Variants in ZAP70 observed in about 807,000 individuals in gnomAD.
The protein encoded by ZAP70 is zeta chain of T cell receptor associated protein kinase 70.
A neutral mutation model predicts 65.8 loss-of-function variants in ZAP70; 27 were observed. The observed-to-expected ratio is 0.41, with a 90% CI of 0.30 to 0.57. The LOEUF (loss-of-function observed/expected upper bound fraction) is 0.57. ZAP70 is among the 20% of genes least tolerant of loss of function. ZAP70 has a pLI of 0.28. For missense variants in ZAP70, 696 were observed against 870.5 expected (o/e 0.80, Z 2.52); for synonymous variants, 363 against 360.8 (o/e 1.01, Z -0.07).
the ZAP70 span, among the ~76,000 whole-genome samples, chr2:97,749,171 G>A: frequency 3.3e-5 from 5 of 152,042 alleles, no homozygotes; most frequent in East Asian, 7.7e-4. Flanking sequence ...CACCAAGCCC[G>A]GCTAATTTTT....
chr2:97,723,868 C>T, intron 2 of ZAP70, 148 bp from the exon 3 acceptor site: 4 of 869,812 alleles, frequency 4.6e-6, no homozygotes, highest in Non-Finnish European at 6.9e-6. Context: ...TCCAGGTTGA[C>T]TCTGGCACAG....
chr2:97,739,085 A>G (rs1678031216), intron 13 of ZAP70, among the ~76,000 whole-genome samples: 2 of 152,084 alleles, frequency 1.3e-5, no homozygotes, highest in African/African-American at 2.4e-5. Flanking sequence ...TGCCACTCTG[A>G]CACCAAGTCC....
At position 97,733,584 on chromosome 2, in the gene ZAP70, C is replaced by T; in HGVS notation, c.878C>T (p.Thr293Ile). Residue 293 changes from threonine (T) to isoleucine (I), a missense_variant, in exon 8 of 14, where the codon ACC becomes ATC. Physicochemically the swap from Thr to Ile is moderately conservative, Grantham distance 89. Transcript: ENST00000264972. ...RIDTLNSDGYTPEPARITSPD... is the reference protein window; with the variant it reads ...RIDTLNSDGYIPEPARITSPD... ...GACACCCTCAACTCAGATGGATACA[C>T]CCCTGAGCCAGGTGAGCGGGCAGAG... 1.2e-6 allele frequency: 2 copies of T among 1,613,654 alleles called. No homozygotes were observed. Among genetic ancestry groups the T allele is most frequent in the Non-Finnish European group, 1.7e-6 (2 of 1,179,998 alleles).
the ZAP70 span, among the ~76,000 whole-genome samples, chr2:97,755,672 G>A: frequency 1.3e-5 from 2 of 152,170 alleles, no homozygotes; most frequent in Admixed American, 1.3e-4. Flanking sequence ...AGCTCCCACA[G>A]GTGGCCCCCA....
rs1573274117 is a variant in ZAP70, at chr2:97,730,652, C to T, written c.564-2231C>T. On this transcript the variant is annotated intron_variant, in intron 4 of 13. Coordinates refer to ENST00000264972, the MANE Select transcript of ZAP70 (RefSeq NM_001079.4). ...GATTCAGAAGACAGAGGAGGAGGCCCCACCTATTGATGGGAAGAGCTCCCT... is the reference window on the plus strand; with the variant it reads ...GATTCAGAAGACAGAGGAGGAGGCCTCACCTATTGATGGGAAGAGCTCCCT... Among the ~76,000 whole-genome samples the T allele has an allele frequency of 8.5e-5, 13 of 152,214 alleles. No homozygotes were observed. The South Asian group carries it at 2.7e-3, about 32-fold the overall frequency.
the ZAP70 span, among the ~76,000 whole-genome samples, chr2:97,755,309 A>AGAT: frequency 6.6e-6 from 1 of 152,214 alleles, no homozygotes. Flanking sequence ...AATAAAATTT[A>AGAT]GATGTGTAGT....
At chr2:97,740,675 A>G (rs1394108095), downstream of ZAP70, among the ~76,000 whole-genome samples, 1 of 152,164 alleles carries the variant, frequency 6.6e-6, no homozygotes, top group Non-Finnish European at 1.5e-5. Flanking sequence ...GCAGTTCCGC[A>G]GAGCACTCTC....
chr2:97,734,353 G>T, intron 8 of ZAP70, 167 bp from the exon 9 acceptor site: 2 of 1,435,250 alleles, frequency 1.4e-6, no homozygotes, highest in Non-Finnish European at 1.8e-6. Flanking sequence ...AGGAGTGTAT[G>T]CCAGTGTGTG....
At chr2:97,749,211 G>C in the ZAP70 span, among the ~76,000 whole-genome samples, 1 of 151,994 alleles carries the variant, frequency 6.6e-6, no homozygotes, top group East Asian at 1.9e-4. Flanking sequence ...GGGTTTCACC[G>C]TGTTAGCCAG....
chr2:97,753,591 C>T, the ZAP70 span, among the ~76,000 whole-genome samples: 7 of 151,982 alleles, frequency 4.6e-5, no homozygotes, highest in Non-Finnish European at 1.0e-4. Flanking sequence ...ATGAAAAATC[C>T]AAATTCTAAT....
chr2:97,743,664 CTTCT>C (rs1445833121), downstream of ZAP70, among the ~76,000 whole-genome samples: 4 of 152,188 alleles, frequency 2.6e-5, no homozygotes, highest in Non-Finnish European at 5.9e-5. Flanking sequence ...CTGTTATTCC[CTTCT>C]TTATCTCTTT....
At chr2:97,750,610 G>A in the ZAP70 span, among the ~76,000 whole-genome samples, 2 of 152,310 alleles carry the variant, frequency 1.3e-5, 1 homozygote, top group South Asian at 4.1e-4. Context: ...GTTAGTCCTC[G>A]TAACAGGTCT....
In ZAP70 at chr2:97,724,266, A is replaced by T; in HGVS notation, c.230A>T (p.His77Leu). The change falls in exon 3 of 14, where the codon CAC becomes CTC. Residue 77 changes from histidine (H) to leucine (L), a missense_variant. Coordinates refer to ENST00000264972, the MANE Select transcript of ZAP70 (RefSeq NM_001079.4). ...GTYAIAGGKA[H>L]CGPAELCEFY... is the part of the protein sequence containing the mutation. ...TACGCCATTGCCGGCGGCAAAGCGC[A>T]CTGTGGACCGGCAGAGCTCTGCGAG... is the stretch of plus-strand genomic sequence containing the variant. 1 of 1,604,702 alleles carries T rather than the reference A, an allele frequency of 6.2e-7. No homozygotes were observed.
At position 97,731,782 on chromosome 2, in the gene ZAP70, G is replaced by C. The variant is rs1677619421; in HGVS notation, c.564-1101G>C. 6.6e-6 allele frequency among the ~76,000 whole-genome samples: 1 copy of C among 152,224 alleles called. No individual in the cohort carries two copies. On this transcript the variant is annotated intron_variant, in intron 4 of 13. Coordinates refer to ENST00000264972, the MANE Select transcript of ZAP70 (RefSeq NM_001079.4). This position sits in a 1 kb window ranked among gnomAD's most constrained non-coding sequence, Gnocchi z 4.0. ...AACATCCACAGGCAGGGCCAGGCCT[G>C]GTCTGAGAATTTGCACCTTGGAGGG... is the stretch of plus-strand genomic sequence containing the variant.
chr2:97,716,701 G>A (rs556598045), intron 2 of ZAP70, among the ~76,000 whole-genome samples: 1 of 152,324 alleles, frequency 6.6e-6, no homozygotes, highest in South Asian at 2.1e-4. Context: ...CCGTGTGGCT[G>A]GAGGGGAGTG....
chr2:97,738,137 G>A, intron 13 of ZAP70, 30 bp downstream of exon 13: 1 of 1,563,884 alleles, frequency 6.4e-7, no homozygotes, highest in South Asian at 1.2e-5. Flanking sequence ...GGACCCGGCT[G>A]GGCTGACCCC....
chr2:97,725,074 T>C lies in ZAP70; in HGVS notation c.403-18T>C, dbSNP rs1340540239. ...CACTTGGCCACACCTACAGACCTCC[T>C]CGCCTCTCCTTTTCTAGGGCGAGGC... On this transcript the variant is annotated intron_variant, in intron 3 of 13. Transcript: ENST00000264972. 6.2e-7 allele frequency: 1 copy of C among 1,613,600 alleles called. No homozygotes were observed. The highest frequency in any genetic ancestry group is 1.7e-5 in the Admixed American group (1 of 60,012).
At chr2:97,744,804 AAGTC>A (rs1270007782), downstream of ZAP70, among the ~76,000 whole-genome samples, 3 of 152,272 alleles carry the variant, frequency 2.0e-5, no homozygotes, top group East Asian at 1.9e-4. Context: ...AACAAACAAA[AAGTC>A]AGACCTCTAT....
intron 13 of ZAP70, among the ~76,000 whole-genome samples, chr2:97,738,761 A>G (rs1023843070): frequency 9.2e-5 from 14 of 151,790 alleles, no homozygotes; most frequent in Admixed American, 3.3e-4. Flanking sequence ...CAACAGATAG[A>G]CACCCTCTCT....
Sources: allele counts gnomAD v4.1 joint callset (sites outside exome capture counted in the v4.1 genomes callset), GRCh38; gene constraint gnomAD v4.1.1; non-coding constraint Gnocchi (gnomAD v3.1); transcripts MANE v1.5; gene names NCBI Gene and HGNC (gene_info 2026-07-23, HGNC 2026-07-21).